Variants in ITFG2 observed in about 807,000 individuals in gnomAD.
ITFG2 encodes the protein KICSTOR complex protein ITFG2.
ITFG2 carries 36 observed loss-of-function variants against 54.4 expected under a neutral mutation model. The observed-to-expected ratio is 0.66, with a 90% confidence interval of 0.51 to 0.87. The LOEUF (loss-of-function observed/expected upper bound fraction) is 0.87. Among genes scored for constraint, ITFG2 ranks in the 40% least tolerant of loss-of-function variants. The probability of loss-of-function intolerance (pLI) is 0.00; values close to 1 mark genes in which losing one functional copy is unlikely to be tolerated. For missense variants in ITFG2, 524 were observed against 576.7 expected, an observed-to-expected ratio of 0.91 and a Z score of 0.94; for synonymous variants, 211 against 225.4, an observed-to-expected ratio of 0.94 and a Z score of 0.57.
chr12:2,826,823 G>GTT (rs1276468048), downstream of ITFG2: 2 of 285,806 alleles, frequency 7.0e-6, no homozygotes, highest in African/African-American at 4.6e-5. Context: ...GGTGTGGGAA[G>GTT]TTGAGTTGTG....
downstream of ITFG2, chr12:2,826,898 A>G: frequency 1.0e-6 from 1 of 974,876 alleles, no homozygotes; most frequent in Non-Finnish European, 1.3e-6. Context: ...CAGCCCAAGC[A>G]GGCACCCCAT....
intron 1 of ITFG2, among the ~76,000 whole-genome samples, chr12:2,814,893 TA>T (rs201578281): frequency 1.3e-5 from 2 of 151,596 alleles, no homozygotes; most frequent in South Asian, 2.1e-4. Context: ...AGGTTTGATT[TA>T]AAAAAAACCA....
At chr12:2,821,505 G>C in intron 7 of ITFG2, 38 bp from the exon 8 acceptor site, 1 of 1,610,482 alleles carries the variant, frequency 6.2e-7, no homozygotes, top group Non-Finnish European at 8.5e-7. Flanking sequence ...CTCTGACCTT[G>C]CCCTGCCCTT....
At chr12:2,827,894 G>A (rs1239504376), downstream of ITFG2, 13 of 1,613,260 alleles carry the variant, frequency 8.1e-6, no homozygotes, top group African/African-American at 1.3e-5. The surrounding 1 kb of genome is among the most constrained non-coding windows in gnomAD (Gnocchi z 4.0). Flanking sequence ...GGTGAGGTGA[G>A]CACCAGGGCT....
chr12:2,829,448 A>G (rs578031772), downstream of ITFG2, among the ~76,000 whole-genome samples: 1 of 152,218 alleles, frequency 6.6e-6, no homozygotes, highest in Non-Finnish European at 1.5e-5. Context: ...TAACTCTACT[A>G]TATGGCAGAA....
In ITFG2 at chr12:2,853,399, A is replaced by G. The variant is rs368904103; in HGVS notation, n.301-4613A>G. ...GTGATTCCCCTGCCTCAGCCTCCTG[A>G]GTAGCTGGGATTACAGGCGCCTGCC... On this transcript the variant is annotated intron_variant and non_coding_transcript_variant, in intron 2 of 3. Coordinates refer to the ITFG2 transcript ENST00000537710. 6.8e-4 allele frequency among the ~76,000 whole-genome samples: 104 copies of G among 152,054 alleles called. No homozygotes were observed. In the East Asian group the frequency reaches 0.014, roughly 20 times the overall value.
rs116783286 is a variant in ITFG2 at position 2,845,594 on chromosome 12, G to A, written n.300+4599G>A. Among the ~76,000 whole-genome samples the A allele has an allele frequency of 4.2e-3, 638 of 152,270 alleles. 3 individuals are homozygous for A. The highest frequency in any genetic ancestry group is 0.015 in the African/African-American group (608 of 41,562). On this transcript the variant is annotated intron_variant and non_coding_transcript_variant, in intron 2 of 3. Coordinates refer to the ITFG2 transcript ENST00000537710. This position sits in a 1 kb window ranked among gnomAD's most constrained non-coding sequence, Gnocchi z 4.2. Reference sequence around the variant, plus strand: ...GCTGGGATTAACTGTTGTCCGTGAAGCTGGTGGCATTCAGCAGGGCACAGG... The same window carrying A: ...GCTGGGATTAACTGTTGTCCGTGAAACTGGTGGCATTCAGCAGGGCACAGG...
Position 2,821,289 on chromosome 12 carries a change from G to T in ITFG2, c.723G>T (p.Val241=). 1 of 1,609,630 alleles carries T rather than the reference G, an allele frequency of 6.2e-7. No individual in the cohort carries two copies. Among genetic ancestry groups the T allele is most frequent in the Non-Finnish European group, 8.5e-7 (1 of 1,177,924 alleles). ...AGACCCCAGCTGCCCGAGACGTGGT[G>T]CTGCACCAGACATCTGGCCGTATCC... is the stretch of plus-strand genomic sequence containing the variant. ...SRETPAARDV[V]LHQTSGRIHN... is the part of the protein sequence containing the mutation. Residue 241 remains valine, a synonymous_variant, in exon 7 of 12, where the codon GTG becomes GTT. Transcript: ENST00000228799.
At chr12:2,817,792 G>A (rs992430230) in intron 2 of ITFG2, 117 bp from the exon 3 acceptor site, 27 of 960,746 alleles carry the variant, frequency 2.8e-5, no homozygotes, top group East Asian at 4.8e-5. Flanking sequence ...TTCATATGGC[G>A]AAAGTCTTCA....
Position 2,821,556 on chromosome 12 carries a change from G to GAGT in ITFG2, c.811_813dup (p.Ser271dup), listed in dbSNP as rs746357913. On this transcript the variant is annotated inframe_insertion, in exon 8 of 12. Transcript: ENST00000228799. The stretch of plus-strand genomic sequence containing the variant: ...TGGTCCTCACAGGCCACGGCACTGA[G>GAGT]AGTAGTGGCTCTGGCCTCTTTGCCC... 2.5e-6 allele frequency: 4 copies of GAGT among 1,614,092 alleles called. No homozygotes were observed. The African/African-American group carries it at 5.3e-5, about 22-fold the overall frequency.
intron 1 of ITFG2, among the ~76,000 whole-genome samples, chr12:2,816,308 G>A (rs1486599957): frequency 2.7e-5 from 4 of 150,284 alleles, no homozygotes; most frequent in Non-Finnish European, 5.9e-5. Context: ...TGGGATTATC[G>A]GCGTGAGTCA....
intron 2 of ITFG2, among the ~76,000 whole-genome samples, chr12:2,853,658 A>G (rs1212406473): frequency 1.3e-5 from 2 of 150,522 alleles, no homozygotes; most frequent in Non-Finnish European, 2.9e-5. Context: ...CCAACTCCCC[A>G]GTGCTTTGGT....
chr12:2,858,620 AGGGGCAAG>A, intron 3 of ITFG2: 1 of 1,605,176 alleles, frequency 6.2e-7, no homozygotes, highest in East Asian at 2.2e-5. Context: ...GCTTGAGCAC[AGGGGCAAG>A]GGCAGGGCTC....
chr12:2,857,372 G>C (rs1344441821), intron 2 of ITFG2: 3 of 360,494 alleles, frequency 8.3e-6, no homozygotes, highest in Non-Finnish European at 1.1e-5. Flanking sequence ...TGTTCAGGGG[G>C]CCCTACCCCT....
At chr12:2,857,035 G>C in intron 2 of ITFG2, 1 of 702,946 alleles carries the variant, frequency 1.4e-6, no homozygotes. Context: ...ATTCTTCTGG[G>C]CCTCAGAGCC....
Position 2,819,423 on chromosome 12 carries a change from G to A in ITFG2, c.407-663G>A, listed in dbSNP as rs1311028648. On this transcript the variant is annotated intron_variant, in intron 4 of 11. Coordinates refer to ENST00000228799, the MANE Select transcript of ITFG2 (RefSeq NM_018463.4). ...GCAGAGCTTGCAGTAAGCCGAAATC[G>A]CGCCACTGCACTCCAGCCTAGGCGA... 3.3e-5 allele frequency among the ~76,000 whole-genome samples: 5 copies of A among 151,534 alleles called. No individual in the cohort carries two copies. In the East Asian group the frequency reaches 7.8e-4, roughly 24 times the overall value.
downstream of ITFG2, chr12:2,828,159 G>T (rs368905244): frequency 8.4e-7 from 1 of 1,196,876 alleles, no homozygotes; most frequent in Non-Finnish European, 1.2e-6. Flanking sequence ...CTGACCTCAC[G>T]TGGGGTCTAA....
At chr12:2,836,164 C>G (rs919028730), upstream of ITFG2, among the ~76,000 whole-genome samples, 6 of 152,236 alleles carry the variant, frequency 3.9e-5, no homozygotes, top group Non-Finnish European at 8.8e-5. Context: ...TGGGGCATCC[C>G]ATATACAGCT....
intron 2 of ITFG2, chr12:2,849,103 G>A (rs138258603): frequency 2.4e-4 from 225 of 947,632 alleles, no homozygotes; most frequent in Middle Eastern, 3.4e-4. Context: ...TGGGAGGATG[G>A]TGGAGAGGCT....
Sources: gnomAD v4.1 joint callset for allele counts (sites outside exome capture counted in the v4.1 genomes callset) on GRCh38, gnomAD v4.1.1 for gene constraint, Gnocchi (gnomAD v3.1) non-coding constraint, MANE v1.5 for transcripts, NCBI Gene and HGNC (gene_info 2026-07-23, HGNC 2026-07-21) for gene names.